SDHA: variants seen among roughly 807,000 people sequenced by gnomAD.
SDHA encodes succinate dehydrogenase [ubiquinone] flavoprotein subunit, mitochondrial.
Under a neutral mutation model 78.4 loss-of-function variants are expected in SDHA, and 48 were observed. That is an observed-to-expected ratio of 0.61 (90% CI 0.49 to 0.78). The LOEUF (loss-of-function observed/expected upper bound fraction) is 0.78, where lower values mean the gene tolerates loss of function less well. SDHA is among the 30% of genes least tolerant of loss of function. SDHA has a pLI of 0.00. For synonymous variants in SDHA, 326 were observed against 353.9 expected (o/e 0.92, Z 0.88); for missense variants, 680 against 892.7 (o/e 0.76, Z 3.04).
In SDHA at chr5:235,280, C is replaced by A. The variant is rs1560996818; in HGVS notation, c.1201C>A (p.Pro401Thr). 1 of 1,614,094 alleles carries A rather than the reference C, an allele frequency of 6.2e-7. No homozygotes were observed. Among genetic ancestry groups the A allele is most frequent in the South Asian group, 1.1e-5 (1 of 91,072 alleles). ...CGTGGACGTCACGAAGGAGCCGATC[C>A]CTGTCCTCCCCACCGTGCATTATAA... is the stretch of plus-strand genomic sequence containing the variant. ...AGVDVTKEPI[P>T]VLPTVHYNMG... Residue 401 changes from proline to threonine, a missense_variant, in exon 9 of 15, where the codon CCT becomes ACT. By Grantham distance (38) the Pro-to-Thr change is conservative (BLOSUM62 -1). Coordinates refer to ENST00000264932, the MANE Select transcript of SDHA (RefSeq NM_004168.4).
intron 11 of SDHA, among the ~76,000 whole-genome samples, chr5:241,252 A>C (rs1252731206): frequency 1.3e-5 from 2 of 152,140 alleles, no homozygotes; most frequent in Non-Finnish European, 2.9e-5. Context: ...AGGGAACTGC[A>C]GGACCGCTGG....
chr5:256,291 G>C, intron 14 of SDHA, 43 bp from the exon 15 acceptor site: 1 of 1,439,792 alleles, frequency 6.9e-7, no homozygotes, highest in Non-Finnish European at 9.8e-7. Context: ...ATGGCTTTTT[G>C]TACATTTTTG....
rs61171610 is a variant in SDHA, at chr5:250,098, A to C, written c.1552-894A>C. ...GCTGCTAATGGACATGAAAGAATGT[A>C]ATACTAGATTCTGAGATGCAATGTT... On this transcript the variant is annotated intron_variant, in intron 11 of 14. Coordinates refer to ENST00000264932, the MANE Select transcript of SDHA (RefSeq NM_004168.4). 2.0e-4 allele frequency: 30 copies of C among 152,388 alleles called. 1 individual carries two copies. The East Asian group carries it at 5.6e-3, about 28-fold the overall frequency. 9.4% of individuals were successfully genotyped at this position (152,388 alleles called of 1,614,324 possible).
rs1041963 is a variant in SDHA at position 251,078 on chromosome 5, A to G, written c.1638A>G (p.Leu546=). The G allele has an allele frequency of 6.2e-7, 1 of 1,611,990 alleles. No individual in the cohort carries two copies. Among genetic ancestry groups the G allele is most frequent in the Non-Finnish European group, 8.5e-7 (1 of 1,179,824 alleles). ...AAATCAGCAAGCTCTATGGAGACCT[A>G]AAGCACCTGAAGACGTTCGACCGGG... The part of the protein sequence containing the change: ...CGKISKLYGD[L]KHLKTFDRGM... The change falls in exon 12 of 15, where the codon CTA becomes CTG. Residue 546 remains leucine, a synonymous_variant. Transcript: ENST00000264932.
At chr5:264,909 A>G in the SDHA span, among the ~76,000 whole-genome samples, 3 of 152,230 alleles carry the variant, frequency 2.0e-5, no homozygotes, top group African/African-American at 7.2e-5. Flanking sequence ...TGTTAATGCT[A>G]AAACTAAGAT....
In SDHA at chr5:223,467, C is replaced by T. The variant is rs1388748464; in HGVS notation, c.64-15C>T. 2 of 1,584,882 alleles carry T rather than the reference C, an allele frequency of 1.3e-6. No homozygotes were observed. Among genetic ancestry groups the T allele is most frequent in the Non-Finnish European group, 1.7e-6 (2 of 1,153,560 alleles). On this transcript the variant is annotated splice_polypyrimidine_tract_variant and intron_variant, in intron 1 of 14. Transcript: ENST00000264932. ...GGACACTAACCCTCTGGATCTGTGT[C>T]TTCTGTGTCTCCAGTGGCCAACAGT...
chr5:257,759 G>C (rs537306476), downstream of SDHA, among the ~76,000 whole-genome samples: 6 of 105,466 alleles, frequency 5.7e-5, 1 homozygote, highest in South Asian at 1.7e-3. Flanking sequence ...TACTGTGTGA[G>C]CTCCGCCCCT....
intron 13 of SDHA, among the ~76,000 whole-genome samples, chr5:253,429 T>TA (rs1736980189): frequency 6.6e-6 from 1 of 152,166 alleles, no homozygotes; most frequent in African/African-American, 2.4e-5. Flanking sequence ...AGAATAATAG[T>TA]AAATTTATTA....
At chr5:249,046 A>G in intron 11 of SDHA, 1 of 407,010 alleles carries the variant, frequency 2.5e-6, no homozygotes, top group Non-Finnish European at 4.7e-6. Context: ...GTCTTTGGAT[A>G]TTGCAAAATT....
the SDHA span, among the ~76,000 whole-genome samples, chr5:264,855 C>T: frequency 3.3e-5 from 5 of 152,194 alleles, no homozygotes; most frequent in Non-Finnish European, 4.4e-5. Context: ...TGGTATTAAG[C>T]CTTTGAAATT....
downstream of SDHA, among the ~76,000 whole-genome samples, chr5:259,963 C>T (rs1176426524): frequency 6.2e-5 from 3 of 48,200 alleles, no homozygotes; most frequent in Non-Finnish European, 1.1e-4. Context: ...AGAGCATTAC[C>T]GTGTGAGCTC....
At chr5:228,427 A>G in intron 6 of SDHA, 94 bp downstream of exon 6, 1 of 1,347,644 alleles carries the variant, frequency 7.4e-7, no homozygotes, top group Non-Finnish European at 1.0e-6. Context: ...GCATTGTAGA[A>G]TAACGGTTTA....
At chr5:230,164 AAAAT>A (rs1369128026) in intron 6 of SDHA, among the ~76,000 whole-genome samples, 3 of 151,866 alleles carry the variant, frequency 2.0e-5, no homozygotes, top group South Asian at 4.1e-4. Flanking sequence ...ATCATTTCAC[AAAAT>A]AAATCATCAC....
rs774277601 is a variant in SDHA, at chr5:228,271, A to G, written c.708A>G (p.Ala236=). 3 of 1,613,812 alleles carry G rather than the reference A, an allele frequency of 1.9e-6. No homozygotes were observed. The highest frequency in any genetic ancestry group is 2.2e-5 in the South Asian group (2 of 91,064). The part of the protein sequence containing the change: ...MENGECRGVI[A]LCIEDGSIHR... ...ATGGGGAGTGCCGTGGTGTCATCGC[A>G]CTGTGCATAGAGGACGGGTCCATCC... The change falls in exon 6 of 15, where the codon GCA becomes GCG. Residue 236 remains alanine, a synonymous_variant. Transcript: ENST00000264932.
chr5:259,857 AC>A (rs1737420450), downstream of SDHA, among the ~76,000 whole-genome samples: 2 of 27,670 alleles, frequency 7.2e-5, no homozygotes, highest in Admixed American at 3.2e-4. Flanking sequence ...GCCTCCCGTC[AC>A]AGCATTACCG....
At chr5:227,381 A>G (rs62347678) in intron 5 of SDHA, among the ~76,000 whole-genome samples, 38,039 of 152,272 alleles carry the variant, frequency 0.25, 7,609 homozygotes, top group African/African-American at 0.56. Flanking sequence ...GGGTAATCAG[A>G]GTCAACTTTG....
At position 256,796 on chromosome 5, in the gene SDHA, A is replaced by G. The variant is rs1737229056; in HGVS notation, c.*376A>G. 3.8e-6 allele frequency: 1 copy of G among 266,546 alleles called. No individual in the cohort carries two copies. The highest frequency in any genetic ancestry group is 5.0e-5 in the Admixed American group (1 of 19,852). The allele number at this position is 266,546 out of a possible 1,614,324, so 16.5% of individuals were successfully genotyped here. On this transcript the variant is annotated 3_prime_UTR_variant, in exon 15 of 15. Transcript: ENST00000264932. ...TATTGTGTTACATCAAAATCCAGAT[A>G]TTTTGTATAGTTTCTTTTTTCTTTT...
In SDHA at chr5:225,887, A is replaced by G. The variant is rs777873911; in HGVS notation, c.461A>G (p.Glu154Gly). Residue 154 changes from glutamate to glycine, a missense_variant, in exon 5 of 15, where the codon GAA becomes GGA. Glu to Gly is a moderately conservative substitution (Grantham distance 98). Coordinates refer to ENST00000264932, the MANE Select transcript of SDHA (RefSeq NM_004168.4). ...EQAPAAVVEL[E>G]NYGMPFSRTE... Reference sequence around the variant, plus strand: ...GTTTGTTTTTATCTTTCACAGCTAGAAAATTATGGCATGCCGTTTAGCAGA... The same window carrying G: ...GTTTGTTTTTATCTTTCACAGCTAGGAAATTATGGCATGCCGTTTAGCAGA... 3.1e-6 allele frequency: 5 copies of G among 1,612,714 alleles called. No homozygotes were observed. The South Asian group carries it at 3.3e-5, about 11-fold the overall frequency.
chr5:226,279 A>G (rs1275380138), intron 5 of SDHA, among the ~76,000 whole-genome samples: 1 of 149,792 alleles, frequency 6.7e-6, no homozygotes, highest in African/African-American at 2.6e-5. Context: ...CAGAAAGTTG[A>G]ATCGATAATC....
Sources: gnomAD v4.1 joint callset for allele counts (sites outside exome capture counted in the v4.1 genomes callset) on GRCh38, gnomAD v4.1.1 for gene constraint, MANE v1.5 for transcripts, NCBI Gene and HGNC (gene_info 2026-07-23, HGNC 2026-07-21) for gene names.